TBC1D12: variants seen among roughly 807,000 people sequenced by gnomAD.
TBC1D12 encodes the protein TBC1 domain family member 12.
In TBC1D12, 56 loss-of-function variants were observed where a neutral mutation model predicts 86.7. That is an observed-to-expected ratio of 0.65 (90% CI 0.52 to 0.81). The LOEUF (loss-of-function observed/expected upper bound fraction) is 0.81, where lower values mean the gene tolerates loss of function less well. Among genes scored for constraint, TBC1D12 ranks in the 30% least tolerant of loss-of-function variants. The probability of loss-of-function intolerance (pLI) is 0.00; values close to 1 mark genes in which losing one functional copy is unlikely to be tolerated. For synonymous variants in TBC1D12, 421 were observed against 411.7 expected (o/e 1.02, Z -0.27); for missense variants, 1,023 against 1,038.8 (o/e 0.98, Z 0.21).
chr10:94,442,027 C>G lies in TBC1D12; in HGVS notation c.1095+8C>G. On this transcript the variant is annotated splice_region_variant and intron_variant, in intron 2 of 12. Transcript: ENST00000225235. ...TCCAAAATCATTCAGCAGGTAAGTA[C>G]TGACATAGCCATGTAGTTTACCCTA... 6.2e-7 allele frequency: 1 copy of G among 1,605,542 alleles called. No homozygotes were observed. The highest frequency in any genetic ancestry group is 8.5e-7 in the Non-Finnish European group (1 of 1,177,118).
At chr10:94,425,216 GT>G (rs1443273145) in intron 1 of TBC1D12, among the ~76,000 whole-genome samples, 3 of 152,138 alleles carry the variant, frequency 2.0e-5, no homozygotes, top group Admixed American at 6.5e-5. Context: ...AGCATGGGGA[GT>G]TTTTTGTTTG....
rs751576751 is a variant in TBC1D12 at position 94,402,634 on chromosome 10, C to A, written c.21C>A (p.Ala7=). The stretch of plus-strand genomic sequence containing the variant: ...CCCAGATGGTGGGTCCGGAGGATGC[C>A]GGAGCCTGCTCGGGAAGAAACCCCA... MVGPED[A]GACSGRNPKL... The change falls in exon 1 of 13, where the codon GCC becomes GCA. Residue 7 remains alanine (A), a synonymous_variant. Transcript: ENST00000225235. The A allele has an allele frequency of 5.0e-6, 8 of 1,611,770 alleles. No homozygotes were observed. The East Asian group carries it at 1.1e-4, about 22-fold the overall frequency.
Position 94,443,023 on chromosome 10 carries a change from G to A in TBC1D12, c.1095+1004G>A, listed in dbSNP as rs79543282. On this transcript the variant is annotated intron_variant, in intron 2 of 12. Coordinates refer to ENST00000225235, the MANE Select transcript of TBC1D12 (RefSeq NM_015188.2). Reference sequence around the variant, plus strand: ...AAACAAAGTTAGGGACACACACTATGCTTTTAGAACCCATATTCTTTTGTA... The same window carrying A: ...AAACAAAGTTAGGGACACACACTATACTTTTAGAACCCATATTCTTTTGTA... 5.1e-3 allele frequency among the ~76,000 whole-genome samples: 777 copies of A among 152,160 alleles called. 5 individuals are homozygous for A. Among genetic ancestry groups the A allele is most frequent in the African/African-American group, 0.018 (735 of 41,518 alleles).
At chr10:94,452,905 A>T (rs2055572932) in intron 2 of TBC1D12, among the ~76,000 whole-genome samples, 1 of 152,166 alleles carries the variant, frequency 6.6e-6, no homozygotes, top group African/African-American at 2.4e-5. Context: ...AGCAGCATTG[A>T]ATGAGAGTTC....
chr10:94,479,117 G>T (rs948510737), intron 3 of TBC1D12, among the ~76,000 whole-genome samples: 2 of 152,120 alleles, frequency 1.3e-5, no homozygotes, highest in African/African-American at 4.8e-5. Context: ...TCAAACAGAG[G>T]AACTTTAATA....
rs143636349 is a variant in TBC1D12 at position 94,522,465 on chromosome 10, C to T, written c.2000+12C>T. The T allele has an allele frequency of 7.4e-4, 757 of 1,024,590 alleles. 3 individuals carry two copies. The African/African-American group carries it at 0.011, about 15-fold the overall frequency. 63.5% of individuals were successfully genotyped at this position (1,024,590 alleles called of 1,614,324 possible). A position where few individuals can be genotyped will look rare whatever the true frequency, so the allele number is the denominator to read the frequency against. On this transcript the variant is annotated intron_variant, in intron 11 of 12. Coordinates refer to ENST00000225235, the MANE Select transcript of TBC1D12 (RefSeq NM_015188.2). ...TACTTGATAGACTGGTAAGTCATAA[C>T]ATACGTAATATATAATAATGAAAAG...
In TBC1D12 at chr10:94,522,468, A is replaced by G; in HGVS notation, c.2000+15A>G. 2.0e-6 allele frequency: 2 copies of G among 999,972 alleles called. No individual in the cohort carries two copies. The highest frequency in any genetic ancestry group is 2.9e-6 in the Non-Finnish European group (2 of 683,378). 61.9% of individuals were successfully genotyped at this position (999,972 alleles called of 1,614,324 possible). ...TTGATAGACTGGTAAGTCATAACAT[A>G]CGTAATATATAATAATGAAAAGGAA... On this transcript the variant is annotated intron_variant, in intron 11 of 12. Transcript: ENST00000225235.
At chr10:94,513,616 C>T (rs1025217309) in intron 9 of TBC1D12, among the ~76,000 whole-genome samples, 7 of 151,968 alleles carry the variant, frequency 4.6e-5, no homozygotes, top group South Asian at 2.1e-4. Context: ...AGTACAATGG[C>T]GTGATCATGA....
chr10:94,535,775 G>A lies in TBC1D12; in HGVS notation c.*2679G>A, dbSNP rs556711108. 6.6e-6 allele frequency: 1 copy of A among 152,112 alleles called. No homozygotes were observed. The highest frequency in any genetic ancestry group is 2.4e-5 in the African/African-American group (1 of 41,508). 9.4% of individuals were successfully genotyped at this position (152,112 alleles called of 1,614,324 possible). On this transcript the variant is annotated 3_prime_UTR_variant, in exon 13 of 13. Transcript: ENST00000225235. The stretch of plus-strand genomic sequence containing the variant: ...TTTCATGTATTTGTTTCCTCAGTTG[G>A]ACCTAAGTTACTGTATTTGTTTTTC...
chr10:94,510,254 A>T, intron 8 of TBC1D12, 75 bp downstream of exon 8: 1 of 1,064,260 alleles, frequency 9.4e-7, no homozygotes. Flanking sequence ...TCTTTAAATG[A>T]ATAGCTATTA....
intron 6 of TBC1D12, among the ~76,000 whole-genome samples, chr10:94,501,925 A>G (rs922572219): frequency 2.6e-5 from 4 of 151,724 alleles, no homozygotes; most frequent in African/African-American, 9.7e-5. Context: ...GCTACTTGGG[A>G]GGTTTAGATG....
chr10:94,515,142 C>T (rs1232653496), intron 9 of TBC1D12, among the ~76,000 whole-genome samples: 3 of 151,012 alleles, frequency 2.0e-5, no homozygotes, highest in Non-Finnish European at 4.4e-5. Flanking sequence ...CTCCTGACCT[C>T]GTGATCCGCC....
chr10:94,441,161 T>C (rs1346075784), intron 1 of TBC1D12, among the ~76,000 whole-genome samples: 1 of 151,816 alleles, frequency 6.6e-6, no homozygotes, highest in Non-Finnish European at 1.5e-5. Flanking sequence ...GTTTTGTTTT[T>C]TTTTTTCTAG....
At chr10:94,511,251 C>G (rs778023567) in intron 8 of TBC1D12, among the ~76,000 whole-genome samples, 7 of 151,866 alleles carry the variant, frequency 4.6e-5, no homozygotes, top group African/African-American at 1.7e-4. Context: ...GCGTATGACA[C>G]CATGCCCAGC....
intron 6 of TBC1D12, among the ~76,000 whole-genome samples, chr10:94,501,979 T>C (rs1303052979): frequency 1.3e-5 from 2 of 151,790 alleles, no homozygotes; most frequent in Non-Finnish European, 2.9e-5. Context: ...CAGTGAGCTA[T>C]GATTGTGCCG....
intron 12 of TBC1D12, among the ~76,000 whole-genome samples, 179 bp downstream of exon 12, chr10:94,531,639 C>CTTATT (rs1202906270): frequency 0.22 from 26,774 of 122,530 alleles, 4,606 homozygotes; most frequent in Admixed American, 0.32. Context: ...AAACATAGGG[C>CTTATT]TTATTTTATT....
intron 2 of TBC1D12, among the ~76,000 whole-genome samples, chr10:94,466,415 CAT>C (rs143453216): frequency 6.6e-6 from 1 of 151,812 alleles, no homozygotes; most frequent in African/African-American, 2.4e-5. Context: ...CTATTGACAA[CAT>C]ATATATATGT....
intron 1 of TBC1D12, among the ~76,000 whole-genome samples, chr10:94,440,895 C>T (rs367684600): frequency 7.3e-4 from 111 of 152,222 alleles, no homozygotes; most frequent in African/African-American, 2.4e-3. Context: ...TGCACAATGA[C>T]GCGGAGTGCA....
In TBC1D12 at chr10:94,474,684, C is replaced by A; in HGVS notation, c.1112C>A (p.Thr371Lys). The A allele has an allele frequency of 1.2e-6, 2 of 1,613,814 alleles. No individual in the cohort carries two copies. The highest frequency in any genetic ancestry group is 1.7e-6 in the Non-Finnish European group (2 of 1,179,896). Residue 371 changes from threonine to lysine, a missense_variant, in exon 3 of 13, where the codon ACG becomes AAG. By Grantham distance (78) the Thr-to-Lys change is moderately conservative. Coordinates refer to ENST00000225235, the MANE Select transcript of TBC1D12 (RefSeq NM_015188.2). ...KIIQQEYEAR[T>K]GRTCKPPPQS... ...TTACTCTAGGAATATGAAGCACGAA[C>A]GGGGAGGACCTGTAAACCACCACCT...
Sources: gnomAD v4.1 joint callset for allele counts (sites outside exome capture counted in the v4.1 genomes callset) on GRCh38, gnomAD v4.1.1 for gene constraint, MANE v1.5 for transcripts, NCBI Gene and HGNC (gene_info 2026-07-23, HGNC 2026-07-21) for gene names.